PDSS2: variants seen among roughly 807,000 people sequenced by gnomAD.
PDSS2 encodes the protein all trans-polyprenyl-diphosphate synthase PDSS2.
Under a neutral mutation model 44.5 loss-of-function variants are expected in PDSS2, and 31 were observed. The ratio of observed to expected loss-of-function variants is 0.70; its 90% confidence interval spans 0.52 to 0.94. The LOEUF (loss-of-function observed/expected upper bound fraction) is 0.94. PDSS2 is among the 40% of genes least tolerant of loss of function. PDSS2 has a pLI of 0.00. For synonymous variants in PDSS2, 157 were observed against 180.3 expected (o/e 0.87, Z 1.03); for missense variants, 452 against 482.2 (o/e 0.94, Z 0.59).
At chr6:107,322,651 C>G (rs1777417100) in intron 2 of PDSS2, among the ~76,000 whole-genome samples, 1 of 152,110 alleles carries the variant, frequency 6.6e-6, no homozygotes, top group Non-Finnish European at 1.5e-5. Context: ...TGAGACAGGC[C>G]TGGGCACCAT....
chr6:107,202,507 A>C (rs927995109), intron 6 of PDSS2, among the ~76,000 whole-genome samples: 1 of 152,206 alleles, frequency 6.6e-6, no homozygotes, highest in African/African-American at 2.4e-5. Flanking sequence ...AGAGCAGCCC[A>C]CTGAGTATTG....
chr6:107,453,667 T>G (rs1781945544), intron 1 of PDSS2, among the ~76,000 whole-genome samples: 1 of 152,154 alleles, frequency 6.6e-6, no homozygotes, highest in Non-Finnish European at 1.5e-5. Context: ...CATGCTTTCT[T>G]TTTCCAACAT....
At chr6:107,227,495 C>T (rs1773875140) in intron 4 of PDSS2, among the ~76,000 whole-genome samples, 1 of 151,440 alleles carries the variant, frequency 6.6e-6, no homozygotes, top group Non-Finnish European at 1.5e-5. Context: ...ACCATGTTGG[C>T]CAGGCTGGTC....
rs2114646713 is a variant in PDSS2, at chr6:107,410,439, A to C, written c.296+48551T>G. 2.0e-5 allele frequency among the ~76,000 whole-genome samples: 3 copies of C among 152,024 alleles called. No individual in the cohort carries two copies. In the South Asian group the frequency reaches 6.2e-4, roughly 32 times the overall value. On this transcript the variant is annotated intron_variant, in intron 1 of 7. Transcript: ENST00000369037. ...AACACTTTCCTCCTTTCTTACACAA[A>C]GGATAGCATGTTATATGTACTGTCC...
At chr6:107,212,880 T>C (rs1199026389) in intron 4 of PDSS2, among the ~76,000 whole-genome samples, 1 of 150,146 alleles carries the variant, frequency 6.7e-6, no homozygotes. Context: ...GGTGTGCCCC[T>C]GTAGTCCTGA....
chr6:107,363,649 G>A (rs868750475), intron 1 of PDSS2, among the ~76,000 whole-genome samples: 1 of 152,214 alleles, frequency 6.6e-6, no homozygotes, highest in Non-Finnish European at 1.5e-5. Context: ...CTCCCACGGT[G>A]TGGAAGGGGA....
chr6:107,214,178 A>G (rs973914949), intron 4 of PDSS2, among the ~76,000 whole-genome samples: 7 of 150,300 alleles, frequency 4.7e-5, no homozygotes, highest in Non-Finnish European at 1.0e-4. Flanking sequence ...ATCTCGGCTC[A>G]CTGCAAGCTC....
At chr6:107,350,919 G>A (rs1014489981) in intron 1 of PDSS2, among the ~76,000 whole-genome samples, 9 of 151,938 alleles carry the variant, frequency 5.9e-5, no homozygotes, top group Admixed American at 5.9e-4. Context: ...AAATAATAAA[G>A]GCCACAAATA....
intron 1 of PDSS2, among the ~76,000 whole-genome samples, chr6:107,383,517 G>A (rs1490751330): frequency 1.3e-5 from 2 of 151,652 alleles, no homozygotes; most frequent in Non-Finnish European, 2.9e-5. Flanking sequence ...TCAAGAAGGT[G>A]AAAAAAACCA....
intron 1 of PDSS2, among the ~76,000 whole-genome samples, chr6:107,341,933 T>C (rs1000139407): frequency 2.0e-5 from 3 of 152,152 alleles, no homozygotes; most frequent in Non-Finnish European, 4.4e-5. Context: ...GTAATATCCC[T>C]TTACAAATGA....
chr6:107,189,970 G>C (rs1772314585), intron 7 of PDSS2, among the ~76,000 whole-genome samples: 1 of 151,946 alleles, frequency 6.6e-6, no homozygotes, highest in Non-Finnish European at 1.5e-5. Context: ...TGTAGTCCTA[G>C]TTACCTGGGA....
chr6:107,222,726 A>G (rs1379572860), intron 4 of PDSS2, among the ~76,000 whole-genome samples: 1 of 151,886 alleles, frequency 6.6e-6, no homozygotes, highest in African/African-American at 2.4e-5. Context: ...TGTGGCAGAG[A>G]TGAGTCTCAG....
At chr6:107,213,123 T>C (rs1773283883) in intron 4 of PDSS2, among the ~76,000 whole-genome samples, 1 of 151,836 alleles carries the variant, frequency 6.6e-6, no homozygotes, top group South Asian at 2.1e-4. Context: ...GATCCTTCCA[T>C]CTCAGCCTCC....
chr6:107,389,440 T>C (rs1047704849), intron 1 of PDSS2, among the ~76,000 whole-genome samples: 1 of 152,214 alleles, frequency 6.6e-6, no homozygotes, highest in African/African-American at 2.4e-5. Flanking sequence ...TCTTACTTGG[T>C]AAAGCTGTTT....
intron 2 of PDSS2, among the ~76,000 whole-genome samples, chr6:107,295,098 A>T (rs188359383): frequency 6.6e-6 from 1 of 152,050 alleles, no homozygotes; most frequent in East Asian, 1.9e-4. Flanking sequence ...AGCCCAGCTA[A>T]TTTTTTTGTA....
chr6:107,394,441 G>A (rs1249692030), intron 1 of PDSS2, among the ~76,000 whole-genome samples: 3 of 152,072 alleles, frequency 2.0e-5, no homozygotes, highest in Non-Finnish European at 4.4e-5. Flanking sequence ...CAGGAGCAGG[G>A]GAGGGAGGAG....
intron 4 of PDSS2, among the ~76,000 whole-genome samples, chr6:107,235,199 T>C (rs1327006016): frequency 6.6e-6 from 1 of 152,206 alleles, no homozygotes; most frequent in East Asian, 1.9e-4. Flanking sequence ...CTAGGGTTCA[T>C]AGGGCAGAGT....
At chr6:107,411,182 G>A (rs916098335) in intron 1 of PDSS2, among the ~76,000 whole-genome samples, 14 of 152,160 alleles carry the variant, frequency 9.2e-5, no homozygotes, top group Admixed American at 3.3e-4. Flanking sequence ...CACTGCACCC[G>A]GCCTACCATG....
chr6:107,398,699 C>A (rs546584684), intron 1 of PDSS2, among the ~76,000 whole-genome samples: 2 of 152,362 alleles, frequency 1.3e-5, no homozygotes, highest in East Asian at 3.9e-4. Context: ...CTGCGAATTT[C>A]AGGCTCCCTT....
Sources: gnomAD v4.1 joint callset for allele counts (sites outside exome capture counted in the v4.1 genomes callset) on GRCh38, gnomAD v4.1.1 for gene constraint, MANE v1.5 for transcripts, NCBI Gene and HGNC (gene_info 2026-07-23, HGNC 2026-07-21) for gene names.